MET: variants seen among roughly 807,000 people sequenced by gnomAD.
MET encodes MET proto-oncogene, receptor tyrosine kinase.
A neutral mutation model predicts 133.1 loss-of-function variants in MET; 48 were observed. The observed-to-expected ratio is 0.36, with a 90% CI of 0.29 to 0.46. The LOEUF (loss-of-function observed/expected upper bound fraction) is 0.46, where lower values mean the gene tolerates loss of function less well. MET is among the 20% of genes least tolerant of loss of function. The pLI is 1.00. For missense variants in MET, 1,442 were observed against 1,695.9 expected, an observed-to-expected ratio of 0.85 and a Z score of 2.63; for synonymous variants, 628 against 616.5, an observed-to-expected ratio of 1.02 and a Z score of -0.28.
chr7:116,719,683 G>T (rs920326133), intron 2 of MET, among the ~76,000 whole-genome samples: 12 of 152,130 alleles, frequency 7.9e-5, no homozygotes, highest in Non-Finnish European at 1.5e-4. Flanking sequence ...GTAAGGAAGG[G>T]ATCCAGTTTC....
intron 18 of MET, 64 bp downstream of exon 18, chr7:116,782,161 T>C: frequency 1.8e-6 from 2 of 1,101,838 alleles, no homozygotes; most frequent in Non-Finnish European, 2.8e-6. Context: ...TGTTTCCCAC[T>C]GTTCAATGCT....
chr7:116,699,227 C>G lies in MET; in HGVS notation c.143C>G (p.Ala48Gly), dbSNP rs80256822. The G allele has an allele frequency of 6.2e-6, 10 of 1,613,824 alleles. No individual in the cohort carries two copies. The East Asian group carries it at 1.6e-4, about 25-fold the overall frequency. ...AAGTATCAGCTTCCCAACTTCACCG[C>G]GGAAACACCCATCCAGAATGTCATT... The part of the protein sequence containing the change: ...NMKYQLPNFT[A>G]ETPIQNVILH... The change falls in exon 2 of 21, where the codon GCG (alanine) becomes GGG (glycine). Residue 48 changes from alanine to glycine, a missense_variant. Coordinates refer to ENST00000397752, the MANE Select transcript of MET (RefSeq NM_000245.4).
intron 3 of MET, among the ~76,000 whole-genome samples, chr7:116,737,583 T>G (rs79078086): frequency 1.7e-4 from 26 of 151,964 alleles, no homozygotes; most frequent in Non-Finnish European, 3.2e-4. Flanking sequence ...CTATGTTGTA[T>G]TTTTTTTAAG....
chr7:116,685,116 A>G (rs1016745629), intron 1 of MET, among the ~76,000 whole-genome samples: 8 of 152,176 alleles, frequency 5.3e-5, no homozygotes, highest in African/African-American at 1.4e-4. Flanking sequence ...TGGAGATAAC[A>G]GAAGGATATC....
chr7:116,787,903 G>A (rs1470792435), intron 19 of MET, among the ~76,000 whole-genome samples: 1 of 152,002 alleles, frequency 6.6e-6, no homozygotes, highest in Admixed American at 6.6e-5. Context: ...CTTCATAATA[G>A]CCAAAAACCA....
chr7:116,703,287 G>T (rs2116622136), intron 2 of MET, among the ~76,000 whole-genome samples: 1 of 152,218 alleles, frequency 6.6e-6, no homozygotes, highest in East Asian at 1.9e-4. Context: ...TGATTCTAAA[G>T]AATTTGTTTA....
intron 2 of MET, among the ~76,000 whole-genome samples, chr7:116,707,585 T>C (rs1380593829): frequency 1.3e-5 from 2 of 152,168 alleles, no homozygotes; most frequent in Admixed American, 6.5e-5. Flanking sequence ...ATATTAAATT[T>C]TCTAACAATG....
intron 2 of MET, chr7:116,724,987 T>C (rs1562899215): frequency 3.1e-6 from 2 of 654,562 alleles, no homozygotes; most frequent in East Asian, 1.4e-4. Context: ...ATGCAACTCA[T>C]CAATGCCTCC....
At chr7:116,675,095 G>C (rs1324873050) in intron 1 of MET, among the ~76,000 whole-genome samples, 1 of 152,200 alleles carries the variant, frequency 6.6e-6, no homozygotes. Flanking sequence ...AAAATAAATA[G>C]TCACTTCTCA....
rs773370210 is a variant in MET at position 116,759,458 on chromosome 7, A to C, written c.2332A>C (p.Asn778His). 6.2e-7 allele frequency: 1 copy of C among 1,613,766 alleles called. No individual in the cohort carries two copies. The highest frequency in any genetic ancestry group is 1.1e-5 in the South Asian group (1 of 91,014). Residue 778 changes from asparagine (N) to histidine (H), a missense_variant, in exon 10 of 21, where the codon AAT becomes CAT. Around this residue, in one of 6 missense-constraint regions of MET, gnomAD observed 514 missense variants for 659.6 expected, o/e 0.78. Coordinates refer to ENST00000397752, the MANE Select transcript of MET (RefSeq NM_000245.4). ...NSVSVPRMVI[N>H]VHEAGRNFTV... ...AGTTAGTGTCCCGAGAATGGTCATA[A>C]ATGTGCATGAAGCAGGAAGGAACTT...
chr7:116,730,338 G>A (rs372627025), intron 2 of MET, among the ~76,000 whole-genome samples: 10 of 152,312 alleles, frequency 6.6e-5, no homozygotes, highest in African/African-American at 2.2e-4. Context: ...GGCAGGGGCC[G>A]GATGATGGGA....
intron 1 of MET, among the ~76,000 whole-genome samples, chr7:116,695,092 G>A (rs977889410): frequency 9.2e-5 from 14 of 152,100 alleles, no homozygotes; most frequent in African/African-American, 1.9e-4. Flanking sequence ...ATAATAATTC[G>A]TTTCCTTTCT....
intron 2 of MET, among the ~76,000 whole-genome samples, chr7:116,716,413 G>A (rs1375020631): frequency 6.9e-6 from 1 of 144,048 alleles, no homozygotes; most frequent in African/African-American, 2.6e-5. Flanking sequence ...ATGAAAGAAA[G>A]AAAGAGTAAG....
At chr7:116,693,195 T>G (rs1796836876) in intron 1 of MET, among the ~76,000 whole-genome samples, 1 of 151,962 alleles carries the variant, frequency 6.6e-6, no homozygotes. Flanking sequence ...AATCTCAGAG[T>G]TGAAAATTAT....
intron 19 of MET, among the ~76,000 whole-genome samples, 189 bp from the exon 20 acceptor site, chr7:116,795,466 T>G (rs934373350): frequency 9.9e-5 from 15 of 152,242 alleles, no homozygotes; most frequent in Admixed American, 1.3e-4. Flanking sequence ...ACTTATAATC[T>G]AAACCTTACT....
chr7:116,705,578 TAGAC>T (rs745368078), intron 2 of MET, among the ~76,000 whole-genome samples: 1 of 152,188 alleles, frequency 6.6e-6, no homozygotes, highest in African/African-American at 2.4e-5. Context: ...TTCTTAATAT[TAGAC>T]AGCCTTTCAA....
chr7:116,704,277 A>C (rs183837517), intron 2 of MET, among the ~76,000 whole-genome samples: 2 of 152,234 alleles, frequency 1.3e-5, no homozygotes, highest in African/African-American at 4.8e-5. Context: ...AGCATGGACT[A>C]ATGGAAAGAG....
intron 2 of MET, among the ~76,000 whole-genome samples, chr7:116,716,117 T>C (rs1285535822): frequency 6.6e-6 from 1 of 151,970 alleles, no homozygotes; most frequent in Non-Finnish European, 1.5e-5. Context: ...CCAGGTATTG[T>C]GGCACATGCC....
chr7:116,745,705 G>A (rs1793646210), intron 5 of MET, among the ~76,000 whole-genome samples: 1 of 152,208 alleles, frequency 6.6e-6, no homozygotes, highest in African/African-American at 2.4e-5. Flanking sequence ...AACAAATGGT[G>A]CTGGGAAAAC....
Sources: gnomAD v4.1 joint callset for allele counts (sites outside exome capture counted in the v4.1 genomes callset) on GRCh38, gnomAD v4.1.1 for gene constraint, gnomAD v4.1.1 regional missense constraint, MANE v1.5 for transcripts, NCBI Gene and HGNC (gene_info 2026-07-23, HGNC 2026-07-21) for gene names.